Variants in DNER observed in about 807,000 individuals in gnomAD.
The protein encoded by DNER is delta/notch like EGF repeat containing.
A neutral mutation model predicts 78.2 loss-of-function variants in DNER; 33 were observed. The ratio of observed to expected loss-of-function variants is 0.42; its 90% CI spans 0.32 to 0.56. DNER has a LOEUF of 0.56. DNER is among the 20% of genes least tolerant of loss of function. DNER has a pLI of 0.11. For missense variants in DNER, 918 were observed against 975.3 expected, an observed-to-expected ratio of 0.94 and a Z score of 0.78; for synonymous variants, 417 against 384.8, an observed-to-expected ratio of 1.08 and a Z score of -0.98.
At chr2:229,541,867 T>G (rs1696520593) in intron 5 of DNER, among the ~76,000 whole-genome samples, 1 of 143,272 alleles carries the variant, frequency 7.0e-6, no homozygotes, top group African/African-American at 2.6e-5. Context: ...TATATATAAT[T>G]TATATTTATA....
chr2:229,396,306 C>A (rs76440883), intron 10 of DNER, among the ~76,000 whole-genome samples: 1 of 152,070 alleles, frequency 6.6e-6, no homozygotes, highest in Non-Finnish European at 1.5e-5. Flanking sequence ...GTTTACACGA[C>A]TTTAGTAATC....
intron 11 of DNER, among the ~76,000 whole-genome samples, chr2:229,379,807 C>T (rs1692694065): frequency 6.6e-6 from 1 of 152,166 alleles, no homozygotes; most frequent in Non-Finnish European, 1.5e-5. Context: ...GTCTGGAATC[C>T]TTTCCACCAG....
chr2:229,555,821 C>T (rs1696845392), intron 4 of DNER, among the ~76,000 whole-genome samples: 1 of 152,036 alleles, frequency 6.6e-6, no homozygotes, highest in Non-Finnish European at 1.5e-5. Flanking sequence ...CTGGTGATTA[C>T]CTTTGGTAGA....
chr2:229,658,286 C>A (rs558685528), intron 1 of DNER, among the ~76,000 whole-genome samples: 7 of 152,288 alleles, frequency 4.6e-5, no homozygotes, highest in Non-Finnish European at 7.4e-5. Context: ...TTTATTTTGC[C>A]TGAAGATGTC....
At chr2:229,673,322 T>C (rs1162216247) in intron 1 of DNER, among the ~76,000 whole-genome samples, 3 of 151,970 alleles carry the variant, frequency 2.0e-5, no homozygotes, top group Non-Finnish European at 4.4e-5. Context: ...TTAGGTCCAC[T>C]ACAGCTCATC....
At chr2:229,456,138 T>C (rs1694566501) in intron 7 of DNER, among the ~76,000 whole-genome samples, 1 of 152,008 alleles carries the variant, frequency 6.6e-6, no homozygotes, top group Admixed American at 6.5e-5. Context: ...TGCCAGCATA[T>C]GCTTCTAGTG....
intron 5 of DNER, among the ~76,000 whole-genome samples, chr2:229,520,707 C>A (rs1271009482): frequency 6.6e-6 from 1 of 152,228 alleles, no homozygotes; most frequent in Non-Finnish European, 1.5e-5. Flanking sequence ...CATCCCACAT[C>A]TGGCTCTTCC....
At chr2:229,696,418 G>A (rs1314145539) in intron 1 of DNER, among the ~76,000 whole-genome samples, 1 of 152,186 alleles carries the variant, frequency 6.6e-6, no homozygotes. Context: ...CTCAAACCCT[G>A]TGCTGTTGCT....
intron 8 of DNER, among the ~76,000 whole-genome samples, chr2:229,421,318 G>A (rs949769601): frequency 6.0e-4 from 91 of 152,128 alleles, no homozygotes; most frequent in Non-Finnish European, 1.2e-4. Context: ...AAGATGTTAT[G>A]CAAGATGAAT....
At chr2:229,605,724 C>CAA (rs5839341) in intron 1 of DNER, among the ~76,000 whole-genome samples, 5,468 of 149,576 alleles carry the variant, frequency 0.037, 174 homozygotes, top group East Asian at 0.14. Context: ...CCCATCTCTA[C>CAA]AAAAAAAAAA....
intron 7 of DNER, among the ~76,000 whole-genome samples, chr2:229,449,466 T>G (rs1694407055): frequency 6.6e-6 from 1 of 152,192 alleles, no homozygotes. Context: ...AATATTTTTT[T>G]CTTAATATGA....
chr2:229,407,286 T>C lies in DNER; in HGVS notation c.1669A>G (p.Thr557Ala), dbSNP rs1436147243. ...CANVSCLNGA[T>A]CDSDGLNGTC... The stretch of plus-strand genomic sequence containing the variant: ...CCATTCAGGCCGTCGCTGTCACAGG[T>C]GGCTCCGTTCAGACAGCTGACGTTA... The change falls in exon 10 of 13, where the codon ACC (threonine) becomes GCC (alanine). Residue 557 changes from threonine (T) to alanine (A), a missense_variant. Physicochemically the swap from Thr to Ala is moderately conservative, Grantham distance 58 (BLOSUM62 0). Transcript: ENST00000341772. 3.7e-6 allele frequency: 6 copies of C among 1,613,872 alleles called. No individual in the cohort carries two copies. The highest frequency in any genetic ancestry group is 3.3e-5 in the Admixed American group (2 of 60,002).
intron 4 of DNER, among the ~76,000 whole-genome samples, chr2:229,554,856 A>AG: frequency 7.2e-6 from 1 of 138,850 alleles, no homozygotes; most frequent in Non-Finnish European, 1.5e-5. Context: ...CCCTGAAAGG[A>AG]AAAGAGAAGA....
At chr2:229,636,907 G>T (rs1698540555) in intron 1 of DNER, among the ~76,000 whole-genome samples, 1 of 152,132 alleles carries the variant, frequency 6.6e-6, no homozygotes, top group African/African-American at 2.4e-5. Flanking sequence ...GTGTGATCTT[G>T]AATAAAGTTG....
At chr2:229,696,857 G>A (rs1699670012) in intron 1 of DNER, among the ~76,000 whole-genome samples, 3 of 152,164 alleles carry the variant, frequency 2.0e-5, no homozygotes, top group Non-Finnish European at 4.4e-5. Flanking sequence ...AATGCAAGGA[G>A]AGGCTGCAAG....
At chr2:229,626,106 A>G (rs959652901) in intron 1 of DNER, among the ~76,000 whole-genome samples, 2 of 152,060 alleles carry the variant, frequency 1.3e-5, no homozygotes, top group Non-Finnish European at 2.9e-5. Context: ...TTTTTAGTAG[A>G]GACGGGGTTT....
rs956857242 is a variant in DNER at position 229,381,147 on chromosome 2, G to A, written c.1855+7118C>T. On this transcript the variant is annotated intron_variant, in intron 11 of 12. Transcript: ENST00000341772. ...GCGAGCAGAAGCAGGATGGGGTGTC[G>A]CCTCACCCGGGAAACACAAGGGGTC... Among the ~76,000 whole-genome samples, 7 of 151,972 alleles carry A rather than the reference G, an allele frequency of 4.6e-5. No individual in the cohort carries two copies. In the East Asian group the frequency reaches 5.9e-4, roughly 13 times the overall value.
chr2:229,585,166 G>A (rs1443684748), intron 4 of DNER, among the ~76,000 whole-genome samples: 1 of 152,120 alleles, frequency 6.6e-6, no homozygotes, highest in Non-Finnish European at 1.5e-5. Context: ...TGGGAACAAA[G>A]GTTATCCTGA....
intron 11 of DNER, among the ~76,000 whole-genome samples, chr2:229,370,365 G>A (rs1314714734): frequency 6.6e-6 from 1 of 152,182 alleles, no homozygotes; most frequent in African/African-American, 2.4e-5. Context: ...TTGAAGCCTG[G>A]TTTGTCATTT....
Sources: gnomAD v4.1 joint callset for allele counts (sites outside exome capture counted in the v4.1 genomes callset) on GRCh38, gnomAD v4.1.1 for gene constraint, MANE v1.5 for transcripts, NCBI Gene and HGNC (gene_info 2026-07-23, HGNC 2026-07-21) for gene names.